Variants in CACNA1F observed in about 807,000 individuals in gnomAD.
The protein encoded by CACNA1F is calcium voltage-gated channel subunit alpha1 F, also known as voltage-dependent L-type calcium channel subunit alpha-1F.
In CACNA1F, 59 loss-of-function variants were observed where a neutral mutation model predicts 143.8. The ratio of observed to expected loss-of-function variants is 0.41; its 90% CI spans 0.33 to 0.51. The LOEUF (loss-of-function observed/expected upper bound fraction) is 0.51, where lower values mean the gene tolerates loss of function less well. Ranked by LOEUF, CACNA1F falls within the 20% of genes least tolerant of loss-of-function variation. The pLI, the probability that CACNA1F is intolerant of heterozygous loss-of-function variation, is 0.22. For synonymous variants in CACNA1F, 643 were observed against 649.1 expected (o/e 0.99, Z 0.14); for missense variants, 1,411 against 1,647.5 (o/e 0.86, Z 2.48).
At chrX:49,214,001 C>T (rs2065684750) in intron 30 of CACNA1F, 99 bp from the exon 31 acceptor site, 5 of 661,771 alleles carry the variant, frequency 7.6e-6, no homozygotes, top group South Asian at 6.8e-5. Flanking sequence ...GGCAGGGCTT[C>T]GCTTGGATCA....
Position 49,212,787 on chromosome X carries a change from C to T in CACNA1F, c.3822G>A (p.Glu1274=), listed in dbSNP as rs781831502. Reference sequence around the variant, plus strand: ...AGGTAATGGAAATGCGGGAGCTGTCCTCAGAGCTCTGGGGTGAGGGGTGCA... The same window carrying T: ...AGGTAATGGAAATGCGGGAGCTGTCTTCAGAGCTCTGGGGTGAGGGGTGCA... ...NNGGHLGESS[E]DSSRISITFF... is the part of the protein sequence containing the mutation. Residue 1274 remains glutamate (E), a synonymous_variant, in exon 33 of 48, where the codon GAG becomes GAA. Coordinates refer to ENST00000323022, the MANE Select transcript of CACNA1F (RefSeq NM_001256789.3). 5.0e-6 allele frequency: 6 copies of T among 1,210,345 alleles called. No individual in the cohort carries two copies. The Middle Eastern group carries it at 9.2e-4, about 185-fold the overall frequency.
Position 49,228,351 on chromosome X carries a change from C to T in CACNA1F, c.914G>A (p.Gly305Glu), listed in dbSNP as rs782439560. 1.7e-6 allele frequency: 2 copies of T among 1,210,614 alleles called. No homozygotes were observed. The highest frequency in any genetic ancestry group is 2.2e-6 in the Non-Finnish European group (2 of 894,381). Reference sequence around the variant, plus strand: ...AAAGTTGGTGATGCCTCCATTGGGCCCTGGCCAGCGCCCGCGGCACTCAGT... The same window carrying T: ...AAAGTTGGTGATGCCTCCATTGGGCTCTGGCCAGCGCCCGCGGCACTCAGT... The part of the protein sequence containing the change: ...NQTECRGRWP[G>E]PNGGITNFDN... The change falls in exon 7 of 48, where the codon GGG becomes GAG. Residue 305 changes from glycine to glutamate, a missense_variant. By Grantham distance (98) the Gly-to-Glu change is moderately conservative. This residue lies in a region of CACNA1F where 950 missense variants were observed against 1,128.1 expected (regional missense o/e 0.84). Transcript: ENST00000323022.
chrX:49,214,052 TCA>T (rs2065685483), intron 30 of CACNA1F, 105 bp downstream of exon 30: 1 of 652,570 alleles, frequency 1.5e-6, no homozygotes, highest in South Asian at 2.2e-5. Flanking sequence ...CTCCCTAGAC[TCA>T]CACTCCCTGG....
In CACNA1F at chrX:49,226,602, A is replaced by T; in HGVS notation, c.1369+8T>A. The T allele has an allele frequency of 5.1e-6, 6 of 1,172,706 alleles. No homozygotes were observed. The highest frequency in any genetic ancestry group is 6.9e-6 in the Non-Finnish European group (6 of 874,898). On this transcript the variant is annotated splice_region_variant and intron_variant, in intron 10 of 47. Transcript: ENST00000323022. ...CCCACCCCCACCCCAGCCTGGCTGG[A>T]CCCCCACCATGGCTGCTGGTGGAGT... is the stretch of plus-strand genomic sequence containing the variant.
Position 49,230,539 on chromosome X carries a change from C to T in CACNA1F, c.592G>A (p.Gly198Arg). Reference protein sequence around the residue: ...GDAPHTGGKPGGFDVKALRAF... With the variant: ...GDAPHTGGKPRGFDVKALRAF... ...CTCAATGCCTTCACATCGAAGCCTC[C>T]TGGCTTTCCCCCGGTGTGCGGGGCG... Residue 198 changes from glycine (G) to arginine (R), a missense_variant, in exon 5 of 48, where the codon GGA becomes AGA. This residue lies in a region of CACNA1F where 950 missense variants were observed against 1,128.1 expected (regional missense o/e 0.84). Transcript: ENST00000323022. 2 of 1,196,328 alleles carry T rather than the reference C, an allele frequency of 1.7e-6. No individual in the cohort carries two copies. The highest frequency in any genetic ancestry group is 2.3e-6 in the Non-Finnish European group (2 of 887,452).
intron 18 of CACNA1F, 23 bp downstream of exon 18, chrX:49,221,012 C>G (rs1602643010): frequency 8.5e-7 from 1 of 1,171,408 alleles, no homozygotes; most frequent in Non-Finnish European, 1.2e-6. Context: ...GAGGTGTAGA[C>G]AGTGCCCAGG....
Position 49,211,972 on chromosome X carries a change from A to G in CACNA1F, c.4026T>C (p.Ala1342=). Residue 1342 remains alanine (A), a synonymous_variant, in exon 35 of 48, where the codon GCT becomes GCC. Coordinates refer to ENST00000323022, the MANE Select transcript of CACNA1F (RefSeq NM_001256789.3). ...VIGMQMFGKV[A]LQDGTQINRN... ...GGTTTATCTGTGTGCCATCCTGAAGAGCCACCTTGCCGAACATCTGTGGAC... is the reference window on the plus strand; with the variant it reads ...GGTTTATCTGTGTGCCATCCTGAAGGGCCACCTTGCCGAACATCTGTGGAC... 1.7e-6 allele frequency: 2 copies of G among 1,210,068 alleles called. No individual in the cohort carries two copies. The highest frequency in any genetic ancestry group is 2.2e-6 in the Non-Finnish European group (2 of 894,177).
chrX:49,226,857 C>T, intron 9 of CACNA1F, 113 bp downstream of exon 9: 2 of 1,068,225 alleles, frequency 1.9e-6, no homozygotes, highest in Non-Finnish European at 2.6e-6. Flanking sequence ...AGAGTTGTTG[C>T]AGATCAGGCC....
intron 41 of CACNA1F, 76 bp downstream of exon 41, chrX:49,209,552 CA>C: frequency 8.5e-7 from 1 of 1,179,687 alleles, no homozygotes. Flanking sequence ...ATGGGTTTCA[CA>C]AGATCAAAAT....
rs368387863 is a variant in CACNA1F at position 49,227,042 on chromosome X, G to A, written c.1204C>T (p.Arg402Trp). The A allele has an allele frequency of 9.9e-6, 12 of 1,207,942 alleles. No homozygotes were observed. The highest frequency in any genetic ancestry group is 8.9e-5 in the East Asian group (3 of 33,706). The change falls in exon 9 of 48, where the codon CGG becomes TGG. Residue 402 changes from arginine to tryptophan, a missense_variant. By Grantham distance (101) the Arg-to-Trp change is moderately radical. Around this residue, in one of 3 missense-constraint regions of CACNA1F, gnomAD observed 950 missense variants for 1,128.1 expected, o/e 0.84. Coordinates refer to ENST00000323022, the MANE Select transcript of CACNA1F (RefSeq NM_001256789.3). ...REKQQMEEDL[R>W]GYLDWITQAE... is the part of the protein sequence containing the mutation. ...TGAGTGATCCAGTCCAGGTAGCCCC[G>A]CAGGTCTTCCTCCATCTGCTGCTTC...
chrX:49,226,801 C>G (rs2065830252), intron 9 of CACNA1F, 99 bp from the exon 10 acceptor site: 1 of 990,392 alleles, frequency 1.0e-6, no homozygotes, highest in Non-Finnish European at 1.4e-6. Context: ...ATAGCTGAGG[C>G]TGGTCTTGAT....
chrX:49,219,874 C>A, intron 19 of CACNA1F, 84 bp from the exon 20 acceptor site: 1 of 580,640 alleles, frequency 1.7e-6, no homozygotes, highest in Non-Finnish European at 2.9e-6. Flanking sequence ...GTGGTCAATT[C>A]TTCCCATTTC....
chrX:49,221,805 C>T (rs189684767), intron 17 of CACNA1F, among the ~76,000 whole-genome samples: 242 of 107,405 alleles, frequency 2.3e-3, no homozygotes, highest in Admixed American at 5.0e-3. Flanking sequence ...CATGGTGAAA[C>T]CCCATCTCTA....
At chrX:49,230,423 C>T in intron 5 of CACNA1F, 44 bp downstream of exon 5, 1 of 1,206,884 alleles carries the variant, frequency 8.3e-7, no homozygotes, top group Non-Finnish European at 1.1e-6. Context: ...AGCTCAGCCC[C>T]ACCCCCACCC....
At position 49,226,478 on chromosome X, in the gene CACNA1F, C is replaced by G; in HGVS notation, c.1394G>C (p.Gly465Ala). The G allele has an allele frequency of 8.4e-7, 1 of 1,191,012 alleles. No homozygotes were observed. The highest frequency in any genetic ancestry group is 1.1e-6 in the Non-Finnish European group (1 of 884,597). ...SHASLPASDT[G>A]SMTETQGDED... is the part of the protein sequence containing the mutation. Reference sequence around the variant, plus strand: ...ATCGCCTTGGGTCTCTGTCATGGAACCGGTGTCACTGGCTGGGAGGCTGGC... The same window carrying G: ...ATCGCCTTGGGTCTCTGTCATGGAAGCGGTGTCACTGGCTGGGAGGCTGGC... Residue 465 changes from glycine (G) to alanine (A), a missense_variant, in exon 11 of 48, where the codon GGT becomes GCT. Gly to Ala is a moderately conservative substitution (Grantham distance 60). Transcript: ENST00000323022.
At position 49,215,510 on chromosome X, in the gene CACNA1F, C is replaced by T; in HGVS notation, c.3270G>A (p.Glu1090=). Residue 1090 remains glutamate, a synonymous_variant, in exon 28 of 48, where the codon GAG becomes GAA. Coordinates refer to ENST00000323022, the MANE Select transcript of CACNA1F (RefSeq NM_001256789.3). ...LLYKAIDAYA[E]DHGPIYNYRV... ...GGTAATTATAGATGGGGCCGTGGTCCTCTGCATATGCATCGATGGCCTTGT... is the reference window on the plus strand; with the variant it reads ...GGTAATTATAGATGGGGCCGTGGTCTTCTGCATATGCATCGATGGCCTTGT... The T allele has an allele frequency of 8.3e-7, 1 of 1,205,397 alleles. No homozygotes were observed. Among genetic ancestry groups the T allele is most frequent in the Non-Finnish European group, 1.1e-6 (1 of 891,454 alleles).
chrX:49,210,463 T>C (rs1378304680), intron 38 of CACNA1F, 60 bp from the exon 39 acceptor site: 15 of 1,039,108 alleles, frequency 1.4e-5, no homozygotes, highest in Admixed American at 2.2e-5. Flanking sequence ...CAGGAACGAA[T>C]GTCAAGGGGC....
Position 49,214,208 on chromosome X carries a change from C to G in CACNA1F, c.3659G>C (p.Gly1220Ala). 1 of 1,203,813 alleles carries G rather than the reference C, an allele frequency of 8.3e-7. No homozygotes were observed. Among genetic ancestry groups the G allele is most frequent in the Non-Finnish European group, 1.1e-6 (1 of 888,060 alleles). Residue 1220 changes from glycine to alanine, a missense_variant, in exon 30 of 48, where the codon GGC becomes GCC. Physicochemically the swap from Gly to Ala is moderately conservative, Grantham distance 60. This residue lies in a region of CACNA1F where 950 missense variants were observed against 1,128.1 expected (regional missense o/e 0.84). Transcript: ENST00000323022. Reference protein sequence around the residue: ...AMDILNMVFTGLFTIEMVLKI... With the variant: ...AMDILNMVFTALFTIEMVLKI... ...GAGCACCATCTCAATAGTGAAGAGGCCAGTGAAGACCATGTTGAGGATGTC... is the reference window on the plus strand; with the variant it reads ...GAGCACCATCTCAATAGTGAAGAGGGCAGTGAAGACCATGTTGAGGATGTC...
Position 49,206,610 on chromosome X carries a change from G to A in CACNA1F, c.5373C>T (p.Ser1791=). The change falls in exon 46 of 48, where the codon TCC becomes TCT. Residue 1791 remains serine, a synonymous_variant. Transcript: ENST00000323022. ...LPPTPAGRKP[S]FTIQCLQRQG... is the part of the protein sequence containing the mutation. The stretch of plus-strand genomic sequence containing the variant: ...GGCGCTGCAGACACTGGATGGTGAA[G>A]GAGGGCTTCCGACCTGGGGGTGGGT... 1 of 1,209,777 alleles carries A rather than the reference G, an allele frequency of 8.3e-7. No individual in the cohort carries two copies. Among genetic ancestry groups the A allele is most frequent in the Non-Finnish European group, 1.1e-6 (1 of 893,657 alleles).
Sources: allele counts gnomAD v4.1 joint callset (sites outside exome capture counted in the v4.1 genomes callset), GRCh38; gene constraint gnomAD v4.1.1; regional missense constraint gnomAD v4.1.1; transcripts MANE v1.5; gene names NCBI Gene and HGNC (gene_info 2026-07-23, HGNC 2026-07-21).